CFAP20: variants seen among roughly 807,000 people sequenced by gnomAD.
CFAP20 encodes cilia- and flagella-associated protein 20.
A neutral mutation model predicts 25.5 loss-of-function variants in CFAP20; 14 were observed. The ratio of observed to expected loss-of-function variants is 0.55; its 90% CI spans 0.36 to 0.86. The LOEUF (loss-of-function observed/expected upper bound fraction) is 0.86, where lower values mean the gene tolerates loss of function less well. Ranked by LOEUF, CFAP20 falls within the 40% of genes least tolerant of loss-of-function variation. The pLI is 0.01. For synonymous variants in CFAP20, 75 were observed against 91.1 expected, an observed-to-expected ratio of 0.82 and a Z score of 1.01; for missense variants, 181 against 248.0, an observed-to-expected ratio of 0.73 and a Z score of 1.81.
At chr16:58,122,154 C>CT (rs1960541992) in intron 1 of CFAP20, among the ~76,000 whole-genome samples, 1 of 152,222 alleles carries the variant, frequency 6.6e-6, no homozygotes, top group South Asian at 2.1e-4. Context: ...GGGTCAAAGG[C>CT]TTCACTCCCT....
intron 1 of CFAP20, among the ~76,000 whole-genome samples, chr16:58,124,812 T>G (rs1245159989): frequency 6.6e-6 from 1 of 152,170 alleles, no homozygotes; most frequent in Non-Finnish European, 1.5e-5. Flanking sequence ...ATTTATTTTA[T>G]TTAGTTATTT....
intron 5 of CFAP20, 86 bp from the exon 6 acceptor site, chr16:58,114,116 C>T: frequency 7.2e-7 from 1 of 1,385,788 alleles, no homozygotes; most frequent in South Asian, 1.2e-5. Context: ...CCTCTGGTGA[C>T]ACTTGAGTGG....
intron 1 of CFAP20, among the ~76,000 whole-genome samples, chr16:58,122,474 C>T (rs1180645218): frequency 6.6e-6 from 1 of 152,006 alleles, no homozygotes; most frequent in African/African-American, 2.4e-5. Context: ...CCCAGCTACT[C>T]AGGAGGCTGA....
chr16:58,114,045 C>T lies in CFAP20; in HGVS notation c.577-15G>A, dbSNP rs772194076. ...TCCAGTTATTGCTGAAGGGAAAAAA[C>T]AGAGAAGTGGCATCAGTTTAAGTTA... is the stretch of plus-strand genomic sequence containing the variant. On this transcript the variant is annotated splice_polypyrimidine_tract_variant and intron_variant, in intron 5 of 5. Transcript: ENST00000262498. The T allele has an allele frequency of 1.2e-6, 2 of 1,613,476 alleles. No homozygotes were observed. The highest frequency in any genetic ancestry group is 2.2e-5 in the South Asian group (2 of 91,070).
intron 1 of CFAP20, among the ~76,000 whole-genome samples, chr16:58,126,465 C>T (rs1212961645): frequency 6.6e-6 from 1 of 152,156 alleles, no homozygotes; most frequent in African/African-American, 2.4e-5. Flanking sequence ...AAACAAAAGT[C>T]AAACCAAATT....
intron 1 of CFAP20, among the ~76,000 whole-genome samples, chr16:58,124,964 C>A (rs565501624): frequency 5.9e-5 from 9 of 152,100 alleles, no homozygotes; most frequent in African/African-American, 1.9e-4. Flanking sequence ...AATAAATTAA[C>A]CTTGGCTTAC....
chr16:58,117,427 CTTTCTTT>C (rs369914583), intron 1 of CFAP20, among the ~76,000 whole-genome samples: 483 of 152,252 alleles, frequency 3.2e-3, no homozygotes, highest in African/African-American at 8.6e-3. Context: ...CTTTCTTTCT[CTTTCTTT>C]TTTCTTTTTT....
chr16:58,114,101 C>T, intron 5 of CFAP20, 71 bp from the exon 6 acceptor site: 9 of 1,498,606 alleles, frequency 6.0e-6, no homozygotes, highest in Non-Finnish European at 8.4e-6. Context: ...GTCACAGGCC[C>T]CCTGCCTCTG....
intron 1 of CFAP20, among the ~76,000 whole-genome samples, chr16:58,126,284 TTTAAG>T (rs1253296516): frequency 1.3e-5 from 2 of 152,096 alleles, no homozygotes; most frequent in Non-Finnish European, 2.9e-5. Context: ...GAAAAGAATG[TTTAAG>T]TTGAGATTGG....
chr16:58,115,393 AC>A lies in CFAP20; in HGVS notation c.340del (p.Val114SerfsTer24). 6.2e-7 allele frequency: 1 copy of A among 1,614,126 alleles called. No homozygotes were observed. The highest frequency in any genetic ancestry group is 8.5e-7 in the Non-Finnish European group (1 of 1,180,030). ...GGGCATGGTGCAGATGAAGGGTTTG[AC>A]CCGGGTGGTGCTCTGGTAGTTACTT... Reference protein sequence around the residue: ...RASNYQSTTRVKPFICTMPMR... With the variant: ...RASNYQSTTRXKPFICTMPMR... On this transcript the variant is annotated frameshift_variant, in exon 4 of 6. Coordinates refer to ENST00000262498, the MANE Select transcript of CFAP20 (RefSeq NM_013242.3). LOFTEE classifies it high-confidence loss of function.
intron 1 of CFAP20, among the ~76,000 whole-genome samples, chr16:58,127,073 C>T (rs1349503825): frequency 6.6e-6 from 1 of 152,160 alleles, no homozygotes; most frequent in African/African-American, 2.4e-5. Context: ...AGTAACCATG[C>T]CAATCGATTT....
intron 5 of CFAP20, among the ~76,000 whole-genome samples, chr16:58,114,525 C>CAAAAAAAAAAA (rs57272078): frequency 1.6e-5 from 2 of 129,000 alleles, no homozygotes; most frequent in Non-Finnish European, 1.7e-5. Context: ...GACTCCATCT[C>CAAAAAAAAAAA]AAAAAAAAAA....
intron 5 of CFAP20, 96 bp from the exon 6 acceptor site, chr16:58,114,126 G>A: frequency 7.7e-7 from 1 of 1,299,068 alleles, no homozygotes; most frequent in Non-Finnish European, 1.1e-6. Flanking sequence ...CACTTGAGTG[G>A]ACAGTGACTG....
intron 1 of CFAP20, among the ~76,000 whole-genome samples, chr16:58,122,831 T>C (rs1339410445): frequency 6.6e-6 from 1 of 152,222 alleles, no homozygotes; most frequent in Non-Finnish European, 1.5e-5. Flanking sequence ...GAACAGGACA[T>C]GGGAATCTAA....
intron 1 of CFAP20, among the ~76,000 whole-genome samples, chr16:58,122,778 T>C (rs974592606): frequency 3.9e-5 from 6 of 152,120 alleles, no homozygotes; most frequent in African/African-American, 1.4e-4. Context: ...AAAACTAGAA[T>C]GTAGGAAATT....
chr16:58,114,990 G>C (rs562597037), intron 4 of CFAP20, 70 bp from the exon 5 acceptor site: 9 of 1,377,648 alleles, frequency 6.5e-6, no homozygotes, highest in African/African-American at 1.4e-5. Context: ...ATCTTCTAGA[G>C]GCCCTCTTCC....
intron 1 of CFAP20, 36 bp downstream of exon 1, chr16:58,128,996 C>T: frequency 1.3e-6 from 2 of 1,592,136 alleles, no homozygotes; most frequent in Non-Finnish European, 1.7e-6. Flanking sequence ...GGGGTGCAGC[C>T]CCTCCACCCC....
intron 1 of CFAP20, among the ~76,000 whole-genome samples, chr16:58,125,665 C>T (rs1960602000): frequency 6.6e-6 from 1 of 152,130 alleles, no homozygotes; most frequent in Non-Finnish European, 1.5e-5. Flanking sequence ...GCCTGGGCAA[C>T]AGCAAGACCT....
In CFAP20 at chr16:58,113,903, T is replaced by A; in HGVS notation, c.*122A>T. The A allele has an allele frequency of 8.4e-7, 1 of 1,185,646 alleles. No individual in the cohort carries two copies. The highest frequency in any genetic ancestry group is 1.3e-6 in the Non-Finnish European group (1 of 798,708). 73.4% of individuals were successfully genotyped at this position (1,185,646 alleles called of 1,614,324 possible). A position where few individuals can be genotyped will look rare whatever the true frequency, so the allele number is the denominator to read the frequency against. On this transcript the variant is annotated 3_prime_UTR_variant, in exon 6 of 6. Coordinates refer to ENST00000262498, the MANE Select transcript of CFAP20 (RefSeq NM_013242.3). ...TGTCCATGACAAGCAACACCAAGTATAAATAACAGAACTACAGCAGAGCAA... is the reference window on the plus strand; with the variant it reads ...TGTCCATGACAAGCAACACCAAGTAAAAATAACAGAACTACAGCAGAGCAA...
Sources: gnomAD v4.1 joint callset for allele counts (sites outside exome capture counted in the v4.1 genomes callset) on GRCh38, gnomAD v4.1.1 for gene constraint, MANE v1.5 for transcripts, NCBI Gene and HGNC (gene_info 2026-07-23, HGNC 2026-07-21) for gene names.